Variants in RIPPLY3 observed in about 807,000 individuals in gnomAD.
RIPPLY3 encodes the protein protein ripply3.
Under a neutral mutation model 11.9 loss-of-function variants are expected in RIPPLY3, and 8 were observed. That is an observed-to-expected ratio of 0.67 (90% CI 0.40 to 1.21). The LOEUF is 1.21. Among genes scored for constraint, RIPPLY3 ranks in the 50% most tolerant of loss-of-function variants. The pLI is 0.01. For missense variants in RIPPLY3, 271 were observed against 246.0 expected (o/e 1.10, Z -0.68); for synonymous variants, 102 against 99.0 (o/e 1.03, Z -0.18).
chr21:37,017,981 C>G lies in RIPPLY3; in HGVS notation c.347C>G (p.Ser116Cys), dbSNP rs762912682. 1.2e-5 allele frequency: 20 copies of G among 1,614,038 alleles called. No homozygotes were observed. In the African/African-American group the frequency reaches 1.3e-4, roughly 11 times the overall value. ...QATIDFYDDE[S>C]TESASEAEEP... ...ACGATTGACTTCTACGACGATGAGT[C>G]TACTGAGTCTGCTTCCGAAGCTGAA... Residue 116 changes from serine (S) to cysteine (C), a missense_variant, in exon 4 of 4, where the codon TCT becomes TGT. Ser to Cys is a moderately radical substitution (Grantham distance 112). Transcript: ENST00000329553.
chr21:37,011,731 C>T (rs2069523895), intron 2 of RIPPLY3, among the ~76,000 whole-genome samples: 1 of 151,942 alleles, frequency 6.6e-6, no homozygotes, highest in Non-Finnish European at 1.5e-5. Context: ...CTTTGGGAGG[C>T]CGAGGCGGGC....
Position 37,017,953 on chromosome 21 carries a change from G to A in RIPPLY3, c.319G>A (p.Ala107Thr), listed in dbSNP as rs145016016. The A allele has an allele frequency of 2.1e-5, 34 of 1,614,066 alleles. No homozygotes were observed. The highest frequency in any genetic ancestry group is 2.8e-5 in the Non-Finnish European group (33 of 1,180,050). The change falls in exon 4 of 4, where the codon GCC becomes ACC. Residue 107 changes from alanine (A) to threonine (T), a missense_variant. Transcript: ENST00000329553. ...EQVLASFPVQATIDFYDDEST... is the reference protein window; with the variant it reads ...EQVLASFPVQTTIDFYDDEST... ...AGTACTGGCCAGTTTCCCAGTGCAA[G>A]CCACGATTGACTTCTACGACGATGA...
At position 37,018,184 on chromosome 21, in the gene RIPPLY3, G is replaced by A; in HGVS notation, c.550G>A (p.Gly184Ser). The A allele has an allele frequency of 6.2e-7, 1 of 1,613,588 alleles. No individual in the cohort carries two copies. Among genetic ancestry groups the A allele is most frequent in the African/African-American group, 1.3e-5 (1 of 75,032 alleles). The stretch of plus-strand genomic sequence containing the variant: ...CCCTCAAGGTGTCTCCTCAAGGGGT[G>A]GCAAGTGCTCCTCATCCAAATGAAT... The part of the protein sequence containing the change: ...PLPQGVSSRG[G>S]KCSSSK The change falls in exon 4 of 4, where the codon GGC becomes AGC. Residue 184 changes from glycine (G) to serine (S), a missense_variant. Gly to Ser is a moderately conservative substitution (Grantham distance 56, BLOSUM62 0). Coordinates refer to ENST00000329553, the MANE Select transcript of RIPPLY3 (RefSeq NM_018962.3).
chr21:37,013,107 A>C (rs1444688056), intron 2 of RIPPLY3, among the ~76,000 whole-genome samples: 3 of 152,092 alleles, frequency 2.0e-5, no homozygotes, highest in African/African-American at 7.2e-5. Flanking sequence ...CACTCCCGGT[A>C]CTGCCACTCT....
intron 3 of RIPPLY3, among the ~76,000 whole-genome samples, chr21:37,016,227 G>T (rs1334470937): frequency 6.6e-6 from 1 of 151,786 alleles, no homozygotes; most frequent in Non-Finnish European, 1.5e-5. Context: ...ACTATCCTGG[G>T]CCTCGTAGGG....
At chr21:37,008,779 A>C (rs1306509913) in intron 2 of RIPPLY3, among the ~76,000 whole-genome samples, 4 of 151,428 alleles carry the variant, frequency 2.6e-5, no homozygotes, top group Non-Finnish European at 5.9e-5. Context: ...AAAAAAAAAA[A>C]ACCGTAGTCG....
Position 37,018,149 on chromosome 21 carries a change from A to C in RIPPLY3, c.515A>C (p.Glu172Ala), listed in dbSNP as rs1466266007. ...TCAGGAGGGGGTGACCACTGGGGGG[A>C]GGGTCCGCTCCCTCAAGGTGTCTCC... ...RSSGGGDHWG[E>A]GPLPQGVSSR... Residue 172 changes from glutamate to alanine, a missense_variant, in exon 4 of 4, where the codon GAG (glutamate) becomes GCG (alanine). Transcript: ENST00000329553. The C allele has an allele frequency of 6.2e-7, 1 of 1,613,546 alleles. No homozygotes were observed. Among genetic ancestry groups the C allele is most frequent in the East Asian group, 2.2e-5 (1 of 44,878 alleles).
chr21:37,018,260 T>C lies in RIPPLY3; in HGVS notation c.*53T>C, dbSNP rs779101790. 1 of 1,484,900 alleles carries C rather than the reference T, an allele frequency of 6.7e-7. No homozygotes were observed. Among genetic ancestry groups the C allele is most frequent in the Non-Finnish European group, 9.4e-7 (1 of 1,066,572 alleles). The allele number at this position is 1,484,900 out of a possible 1,614,324, so 92.0% of individuals were successfully genotyped here. A position where few individuals can be genotyped will look rare whatever the true frequency, so the allele number is the denominator to read the frequency against. On this transcript the variant is annotated 3_prime_UTR_variant, in exon 4 of 4. Transcript: ENST00000329553. ...CTGGGACCTGCCCCTCACGTTCTCTTGGGGACACCCGAGCCAGGACACTAC... is the reference window on the plus strand; with the variant it reads ...CTGGGACCTGCCCCTCACGTTCTCTCGGGGACACCCGAGCCAGGACACTAC...
chr21:37,013,565 T>C lies in RIPPLY3; in HGVS notation c.186T>C (p.Ala62=). 6.2e-7 allele frequency: 1 copy of C among 1,613,832 alleles called. No homozygotes were observed. Among genetic ancestry groups the C allele is most frequent in the South Asian group, 1.1e-5 (1 of 91,034 alleles). ...TRTGRPLEPR[A]DQHTFGSKGA... ...TGTCGTTACAGCTTGAACCTAGGGCTGACCAACACACTTTTGGATCAAAGG... is the reference window on the plus strand; with the variant it reads ...TGTCGTTACAGCTTGAACCTAGGGCCGACCAACACACTTTTGGATCAAAGG... The change falls in exon 3 of 4, where the codon GCT becomes GCC. Residue 62 remains alanine (A), a synonymous_variant. Transcript: ENST00000329553.
chr21:37,014,705 A>G (rs2055086872), intron 3 of RIPPLY3, among the ~76,000 whole-genome samples: 1 of 152,186 alleles, frequency 6.6e-6, no homozygotes, highest in Admixed American at 6.5e-5. Context: ...GTCAGAAGGA[A>G]GCTTCCCTTG....
intron 2 of RIPPLY3, among the ~76,000 whole-genome samples, chr21:37,010,003 C>G (rs529471452): frequency 6.6e-6 from 1 of 152,312 alleles, no homozygotes; most frequent in East Asian, 1.9e-4. Flanking sequence ...TGCAGTCCAC[C>G]GACGAGAGCT....
rs764680225 is a variant in RIPPLY3 at position 37,018,203 on chromosome 21, A to G, written c.569A>G (p.Lys190Arg). 52 of 1,612,130 alleles carry G rather than the reference A, an allele frequency of 3.2e-5. No individual in the cohort carries two copies. The highest frequency in any genetic ancestry group is 4.0e-5 in the Non-Finnish European group (47 of 1,178,582). ...AGGGGTGGCAAGTGCTCCTCATCCA[A>G]ATGAATCAGTCTCTGTCTCCTGGGC... ...SSRGGKCSSSK is the reference protein window; with the variant it reads ...SSRGGKCSSSR Residue 190 changes from lysine (K) to arginine (R), a missense_variant, in exon 4 of 4, where the codon AAA becomes AGA. Lys to Arg is a conservative substitution (Grantham distance 26, BLOSUM62 2). Transcript: ENST00000329553.
At chr21:37,016,904 G>A (rs1057448361) in intron 3 of RIPPLY3, among the ~76,000 whole-genome samples, 10 of 151,914 alleles carry the variant, frequency 6.6e-5, no homozygotes, top group African/African-American at 2.4e-4. Flanking sequence ...GCCTATAATC[G>A]CAGCACTGTT....
At chr21:37,008,048 G>T in intron 1 of RIPPLY3, 109 bp from the exon 2 acceptor site, 1 of 1,117,354 alleles carries the variant, frequency 8.9e-7, no homozygotes, top group Non-Finnish European at 1.3e-6. Flanking sequence ...TGGGGGGTCC[G>T]GTGCCTCTTT....
chr21:37,006,786 C>T lies in RIPPLY3; in HGVS notation c.14C>T (p.Ala5Val). 8.1e-7 allele frequency: 1 copy of T among 1,232,226 alleles called. No homozygotes were observed. Among genetic ancestry groups the T allele is most frequent in the Non-Finnish European group, 1.0e-6 (1 of 988,400 alleles). 76.3% of individuals were successfully genotyped at this position (1,232,226 alleles called of 1,614,324 possible). A position where few individuals can be genotyped will look rare whatever the true frequency, so the allele number is the denominator to read the frequency against. ...TCCGCCGGCACCATGGAGCCCGAAG[C>T]GGCGGCCGGAGCCCGGAAGGCGCGG... MEPE[A>V]AAGARKARGR... Residue 5 changes from alanine (A) to valine (V), a missense_variant, in exon 1 of 4, where the codon GCG (alanine) becomes GTG (valine). Physicochemically the swap from Ala to Val is moderately conservative, Grantham distance 64. Transcript: ENST00000329553. This position sits in a 1 kb window ranked among gnomAD's most constrained non-coding sequence, Gnocchi z 5.2.
chr21:37,018,248 C>T lies in RIPPLY3; in HGVS notation c.*41C>T, dbSNP rs753096857. The T allele has an allele frequency of 3.5e-5, 54 of 1,542,382 alleles. No individual in the cohort carries two copies. Among genetic ancestry groups the T allele is most frequent in the Non-Finnish European group, 4.7e-5 (53 of 1,117,376 alleles). On this transcript the variant is annotated 3_prime_UTR_variant, in exon 4 of 4. Transcript: ENST00000329553. The stretch of plus-strand genomic sequence containing the variant: ...CTGGGCCCTGCTCTGGGACCTGCCC[C>T]TCACGTTCTCTTGGGGACACCCGAG...
intron 3 of RIPPLY3, among the ~76,000 whole-genome samples, chr21:37,017,358 A>T (rs1388497724): frequency 6.6e-6 from 1 of 151,936 alleles, no homozygotes; most frequent in African/African-American, 2.4e-5. Flanking sequence ...CAATTTCTTT[A>T]TGGCAACATC....
At position 37,006,763 on chromosome 21, in the gene RIPPLY3, C is replaced by T; in HGVS notation, c.-10C>T. ...GCGCCGCAGCAAGGGGCGCGGGCTCCGCCGGCACCATGGAGCCCGAAGCGG... is the reference window on the plus strand; with the variant it reads ...GCGCCGCAGCAAGGGGCGCGGGCTCTGCCGGCACCATGGAGCCCGAAGCGG... On this transcript the variant is annotated 5_prime_UTR_variant, in exon 1 of 4. Transcript: ENST00000329553. The surrounding 1 kb of genome is among the most constrained non-coding windows in gnomAD (Gnocchi z 5.2). 1.6e-6 allele frequency: 2 copies of T among 1,228,954 alleles called. No individual in the cohort carries two copies. The highest frequency in any genetic ancestry group is 3.8e-5 in the South Asian group (1 of 26,300). The allele number at this position is 1,228,954 out of a possible 1,614,324, so 76.1% of individuals were successfully genotyped here. A position where few individuals can be genotyped will look rare whatever the true frequency, so the allele number is the denominator to read the frequency against.
At position 37,018,467 on chromosome 21, in the gene RIPPLY3, TATCTC is replaced by T. The variant is rs1344953355; in HGVS notation, c.*263_*267del. On this transcript the variant is annotated 3_prime_UTR_variant, in exon 4 of 4. Coordinates refer to ENST00000329553, the MANE Select transcript of RIPPLY3 (RefSeq NM_018962.3). ...AGAAGGTCTATGTCAACAGAGTTGT[TATCTC>T]ATAGAGCCAGTTTTCAAAGCTCCTT... 6.2e-6 allele frequency: 3 copies of T among 487,798 alleles called. No homozygotes were observed. Among genetic ancestry groups the T allele is most frequent in the South Asian group, 5.4e-5 (2 of 37,206 alleles). 30.2% of individuals were successfully genotyped at this position (487,798 alleles called of 1,614,324 possible).
Sources: allele counts gnomAD v4.1 joint callset (sites outside exome capture counted in the v4.1 genomes callset), GRCh38; gene constraint gnomAD v4.1.1; non-coding constraint Gnocchi (gnomAD v3.1); transcripts MANE v1.5; gene names NCBI Gene and HGNC (gene_info 2026-07-23, HGNC 2026-07-21).